Variants in HIF1A observed in about 807,000 individuals in gnomAD.
HIF1A encodes hypoxia inducible factor 1 subunit alpha.
In HIF1A, 24 loss-of-function variants were observed where a neutral mutation model predicts 92.7. The ratio of observed to expected loss-of-function variants is 0.26; its 90% CI spans 0.19 to 0.36. The LOEUF (loss-of-function observed/expected upper bound fraction) is 0.36. HIF1A is among the 10% of genes least tolerant of loss of function. HIF1A has a pLI of 1.00. For synonymous variants in HIF1A, 319 were observed against 338.7 expected (o/e 0.94, Z 0.64); for missense variants, 799 against 998.5 (o/e 0.80, Z 2.69).
chr14:61,736,844 A>G, intron 8 of HIF1A, 45 bp from the exon 9 acceptor site: 4 of 1,342,718 alleles, frequency 3.0e-6, no homozygotes, highest in South Asian at 1.2e-5. Flanking sequence ...CCCTCACTGT[A>G]TCAAGTGCTC....
At chr14:61,714,363 T>C (rs576449116) in intron 1 of HIF1A, among the ~76,000 whole-genome samples, 1 of 152,342 alleles carries the variant, frequency 6.6e-6, no homozygotes, top group South Asian at 2.1e-4. Context: ...GTTATACTTT[T>C]TGTTTATTCG....
intron 2 of HIF1A, 72 bp from the exon 3 acceptor site, chr14:61,721,437 A>G (rs1566567697): frequency 7.5e-7 from 1 of 1,325,628 alleles, no homozygotes; most frequent in Non-Finnish European, 1.1e-6. Flanking sequence ...ACTTTGTAAA[A>G]ACATCTAAAT....
rs1380222271 is a variant in HIF1A, at chr14:61,748,103, G to C, written c.*1018G>C. The C allele has an allele frequency of 1.3e-5, 2 of 152,348 alleles. No individual in the cohort carries two copies. Among genetic ancestry groups the C allele is most frequent in the Non-Finnish European group, 2.9e-5 (2 of 67,924 alleles). 9.4% of individuals were successfully genotyped at this position (152,348 alleles called of 1,614,324 possible). A position where few individuals can be genotyped will look rare whatever the true frequency, so the allele number is the denominator to read the frequency against. On this transcript the variant is annotated 3_prime_UTR_variant, in exon 15 of 15. Transcript: ENST00000337138. ...AGATTTCAATAATTGAGTAATTTTA[G>C]AAGCATTATTTTAGGAATATATAGT...
chr14:61,736,999 CAGA>C lies in HIF1A; in HGVS notation c.1143_1145del (p.Glu381del), dbSNP rs1165619701. On this transcript the variant is annotated inframe_deletion, in exon 9 of 15. Transcript: ENST00000337138. ...ACTCAGCTATTCACCAAAGTTGAAT[CAGA>C]AGATACAAGTAGCCTCTTTGACAAA... 3 of 1,613,932 alleles carry C rather than the reference CAGA, an allele frequency of 1.9e-6. No individual in the cohort carries two copies. The South Asian group carries it at 3.3e-5, about 18-fold the overall frequency.
Position 61,740,514 on chromosome 14 carries a change from C to A in HIF1A, c.1546C>A (p.Pro516Thr). 6.3e-7 allele frequency: 1 copy of A among 1,581,326 alleles called. No individual in the cohort carries two copies. Among genetic ancestry groups the A allele is most frequent in the Non-Finnish European group, 8.6e-7 (1 of 1,161,120 alleles). ...ATATTTCTTTTTACAGCCTAATAGT[C>A]CCAGTGAATATTGTTTTTATGTGGA... The part of the protein sequence containing the change: ...TRQSSPEPNS[P>T]SEYCFYVDSD... The change falls in exon 11 of 15, where the codon CCC becomes ACC. Residue 516 changes from proline to threonine, a missense_variant. Physicochemically the swap from Pro to Thr is conservative, Grantham distance 38 (BLOSUM62 -1). Transcript: ENST00000337138.
intron 1 of HIF1A, among the ~76,000 whole-genome samples, chr14:61,709,405 T>G (rs1272829472): frequency 6.6e-6 from 1 of 152,186 alleles, no homozygotes; most frequent in Non-Finnish European, 1.5e-5. Context: ...AATGAAAAAT[T>G]TACACATTAT....
intron 1 of HIF1A, among the ~76,000 whole-genome samples, chr14:61,705,867 C>G (rs2044234280): frequency 6.6e-6 from 1 of 152,132 alleles, no homozygotes; most frequent in Non-Finnish European, 1.5e-5. Context: ...TTTCCAGAAT[C>G]TTAATCATGG....
rs2140111792 is a variant in HIF1A at position 61,695,674 on chromosome 14, T to G, written c.-131T>G. On this transcript the variant is annotated 5_prime_UTR_variant, in exon 1 of 15. Transcript: ENST00000337138. ...CGCTTCTCTCTAGTCTCACGAGGGG[T>G]TTCCCGCCTCGCACCCCCACCTCTG... 1 of 948,866 alleles carries G rather than the reference T, an allele frequency of 1.1e-6. No individual in the cohort carries two copies. Among genetic ancestry groups the G allele is most frequent in the East Asian group, 2.9e-5 (1 of 34,314 alleles). 58.8% of individuals were successfully genotyped at this position (948,866 alleles called of 1,614,324 possible). A position where few individuals can be genotyped will look rare whatever the true frequency, so the allele number is the denominator to read the frequency against.
At chr14:61,703,820 T>A (rs557772396) in intron 1 of HIF1A, among the ~76,000 whole-genome samples, 14 of 152,342 alleles carry the variant, frequency 9.2e-5, no homozygotes, top group African/African-American at 3.4e-4. Context: ...TGACCAGTAA[T>A]TAATGGGCCA....
rs202184375 is a variant in HIF1A at position 61,738,386 on chromosome 14, A to G, written c.1536+13A>G. ...AAGTTCACCTGAGGTAGGTGTCATG[A>G]TATAATCAGAAAGGGACAACTTTCA... On this transcript the variant is annotated intron_variant, in intron 10 of 14. Coordinates refer to ENST00000337138, the MANE Select transcript of HIF1A (RefSeq NM_001530.4). 3.0e-4 allele frequency: 471 copies of G among 1,563,592 alleles called. 4 individuals carry two copies. The highest frequency in any genetic ancestry group is 1.7e-4 in the Middle Eastern group (1 of 5,844).
chr14:61,729,530 T>TG (rs1160296996), intron 6 of HIF1A, among the ~76,000 whole-genome samples: 7 of 151,394 alleles, frequency 4.6e-5, no homozygotes, highest in Admixed American at 4.0e-4. Context: ...GTCCATTGAG[T>TG]GCCTAGTACA....
Position 61,732,453 on chromosome 14 carries a change from T to C in HIF1A, c.809T>C (p.Leu270Pro). The change falls in exon 7 of 15, where the codon CTT (leucine) becomes CCT (proline). Residue 270 changes from leucine to proline, a missense_variant. Around this residue, in one of 2 missense-constraint regions of HIF1A, gnomAD observed 516 missense variants for 721.0 expected, o/e 0.72. Coordinates refer to ENST00000337138, the MANE Select transcript of HIF1A (RefSeq NM_001530.4). ...TTGATGGGATATGAGCCAGAAGAAC[T>C]TTTAGGCCGCTCAATTTATGAATAT... ...TELMGYEPEE[L>P]LGRSIYEYYH... The C allele has an allele frequency of 6.2e-7, 1 of 1,611,554 alleles. No individual in the cohort carries two copies. The highest frequency in any genetic ancestry group is 1.3e-5 in the African/African-American group (1 of 74,986).
chr14:61,709,477 A>T lies in HIF1A; in HGVS notation c.36-10905A>T, dbSNP rs112397401. Among the ~76,000 whole-genome samples, 903 of 152,278 alleles carry T rather than the reference A, an allele frequency of 5.9e-3. 13 individuals are homozygous for T. The highest frequency in any genetic ancestry group is 0.02 in the African/African-American group (842 of 41,540). On this transcript the variant is annotated intron_variant, in intron 1 of 14. Transcript: ENST00000337138. ...AGGAACCCTCCAATGTAAAACAGTG[A>T]TTCTTTTCCCCGTTTATTTTACTGC... is the stretch of plus-strand genomic sequence containing the variant.
intron 1 of HIF1A, among the ~76,000 whole-genome samples, chr14:61,704,653 G>C (rs2044216695): frequency 1.3e-5 from 2 of 151,988 alleles, no homozygotes; most frequent in South Asian, 4.1e-4. Context: ...ACTGTGAATG[G>C]ATGAAGGGAT....
chr14:61,732,813 T>G (rs1293463345), intron 7 of HIF1A, among the ~76,000 whole-genome samples: 1 of 152,208 alleles, frequency 6.6e-6, no homozygotes, highest in Non-Finnish European at 1.5e-5. Flanking sequence ...AGAATTCACA[T>G]AAATACTCAG....
intron 8 of HIF1A, among the ~76,000 whole-genome samples, chr14:61,735,406 A>G (rs1008686382): frequency 5.9e-5 from 9 of 152,142 alleles, no homozygotes; most frequent in African/African-American, 2.2e-4. Context: ...TTATGTAAGA[A>G]TCTTCCACTT....
intron 6 of HIF1A, among the ~76,000 whole-genome samples, chr14:61,730,289 ATG>A (rs1244555048): frequency 2.0e-5 from 3 of 152,174 alleles, no homozygotes; most frequent in African/African-American, 7.2e-5. Context: ...TTGCTCTAAT[ATG>A]TGTAAAACTG....
intron 8 of HIF1A, among the ~76,000 whole-genome samples, chr14:61,736,637 G>A (rs1330994637): frequency 4.6e-5 from 7 of 152,162 alleles, no homozygotes; most frequent in Non-Finnish European, 8.8e-5. Context: ...ATGCATCCAT[G>A]TTGCTGCAAA....
intron 14 of HIF1A, among the ~76,000 whole-genome samples, chr14:61,746,562 C>A (rs2044793354): frequency 6.6e-6 from 1 of 151,926 alleles, no homozygotes; most frequent in Non-Finnish European, 1.5e-5. Flanking sequence ...CCTCACCACA[C>A]CCGGTTGCTT....
Sources: allele counts gnomAD v4.1 joint callset (sites outside exome capture counted in the v4.1 genomes callset), GRCh38; gene constraint gnomAD v4.1.1; regional missense constraint gnomAD v4.1.1; transcripts MANE v1.5; gene names NCBI Gene and HGNC (gene_info 2026-07-23, HGNC 2026-07-21).